Variants in MICU2 observed in about 807,000 individuals in gnomAD.
The protein encoded by MICU2 is mitochondrial calcium uptake 2, also known as calcium uptake protein 2, mitochondrial.
A neutral mutation model predicts 60.4 loss-of-function variants in MICU2; 64 were observed. The ratio of observed to expected loss-of-function variants is 1.06; its 90% CI spans 0.87 to 1.31. The LOEUF (loss-of-function observed/expected upper bound fraction) is 1.31. Ranked by LOEUF, MICU2 falls within the 50% of genes most tolerant of loss-of-function variation. MICU2 has a pLI of 0.00. For missense variants in MICU2, 569 were observed against 531.0 expected (o/e 1.07, Z -0.70); for synonymous variants, 201 against 175.0 (o/e 1.15, Z -1.17).
chr13:21,500,393 G>T (rs1886116537), intron 9 of MICU2, among the ~76,000 whole-genome samples: 1 of 148,050 alleles, frequency 6.8e-6, no homozygotes, highest in African/African-American at 2.5e-5. Flanking sequence ...ATCTCAGACC[G>T]TTTAAAGTTC....
intron 4 of MICU2, among the ~76,000 whole-genome samples, chr13:21,534,661 G>A (rs184829405): frequency 2.6e-5 from 4 of 152,270 alleles, no homozygotes; most frequent in African/African-American, 9.6e-5. Flanking sequence ...AAATAGATCA[G>A]GATAATTTGT....
intron 2 of MICU2, among the ~76,000 whole-genome samples, chr13:21,550,636 A>T (rs991559250): frequency 5.3e-5 from 8 of 152,218 alleles, no homozygotes; most frequent in Non-Finnish European, 2.9e-5. Flanking sequence ...AGATATAGAA[A>T]ATATTTAAAA....
intron 6 of MICU2, among the ~76,000 whole-genome samples, chr13:21,517,574 G>C (rs971083649): frequency 2.0e-5 from 3 of 152,102 alleles, no homozygotes; most frequent in African/African-American, 4.8e-5. Context: ...TCAGGAGCTC[G>C]AGACCAGCCT....
At chr13:21,507,577 G>A (rs1339599907) in intron 8 of MICU2, among the ~76,000 whole-genome samples, 1 of 151,724 alleles carries the variant, frequency 6.6e-6, no homozygotes, top group Non-Finnish European at 1.5e-5. Flanking sequence ...GATTAGTGGG[G>A]TTAGAAAAAA....
intron 1 of MICU2, among the ~76,000 whole-genome samples, chr13:21,594,436 T>C (rs1360553665): frequency 6.6e-6 from 1 of 151,992 alleles, no homozygotes; most frequent in South Asian, 2.1e-4. Context: ...TTGGTGGGAG[T>C]GTAAATTAGT....
chr13:21,507,608 T>A (rs1031987056), intron 8 of MICU2, among the ~76,000 whole-genome samples: 21 of 148,024 alleles, frequency 1.4e-4, no homozygotes, highest in Non-Finnish European at 1.3e-4. Context: ...AAACTTAGAT[T>A]TTTTTTTTTT....
chr13:21,519,368 A>G (rs1012468153), intron 6 of MICU2, among the ~76,000 whole-genome samples: 1 of 151,936 alleles, frequency 6.6e-6, no homozygotes, highest in African/African-American at 2.4e-5. Flanking sequence ...TCGAGAGTTC[A>G]CTGCTTTTAA....
intron 2 of MICU2, among the ~76,000 whole-genome samples, chr13:21,561,803 T>C (rs1787833475): frequency 6.7e-6 from 1 of 148,830 alleles, no homozygotes; most frequent in Non-Finnish European, 1.5e-5. Flanking sequence ...GCTGGTGTGC[T>C]GCACCCATTA....
intron 4 of MICU2, among the ~76,000 whole-genome samples, chr13:21,536,073 G>T (rs1887123125): frequency 6.6e-6 from 1 of 152,142 alleles, no homozygotes; most frequent in Admixed American, 6.5e-5. Flanking sequence ...AGTCTATAGG[G>T]ATGTTCTGGT....
At chr13:21,506,863 A>T (rs1476939343) in intron 8 of MICU2, among the ~76,000 whole-genome samples, 1 of 152,220 alleles carries the variant, frequency 6.6e-6, no homozygotes, top group Admixed American at 6.5e-5. Context: ...TCAGTTAAAC[A>T]TGTTATAACA....
At chr13:21,498,897 A>T (rs2759374) in intron 9 of MICU2, among the ~76,000 whole-genome samples, 1 of 152,092 alleles carries the variant, frequency 6.6e-6, no homozygotes, top group African/African-American at 2.4e-5. Context: ...TAGGCACTGG[A>T]TGCAACTTTT....
At chr13:21,567,132 T>G (rs1286977435) in intron 1 of MICU2, among the ~76,000 whole-genome samples, 188 bp from the exon 2 acceptor site, 1 of 152,142 alleles carries the variant, frequency 6.6e-6, no homozygotes. Flanking sequence ...TAAGACTAAC[T>G]TGAGGGAAGT....
intron 2 of MICU2, among the ~76,000 whole-genome samples, chr13:21,549,135 TAGCC>T (rs1433992056): frequency 2.6e-5 from 4 of 151,916 alleles, no homozygotes; most frequent in Non-Finnish European, 4.4e-5. Context: ...TTCACCGTGT[TAGCC>T]AGGATGGTCT....
At chr13:21,596,416 C>A (rs1243242083) in intron 1 of MICU2, among the ~76,000 whole-genome samples, 1 of 148,920 alleles carries the variant, frequency 6.7e-6, no homozygotes, top group East Asian at 1.9e-4. Context: ...CCTAAGTCAG[C>A]CACATTCAGG....
chr13:21,538,267 T>C (rs1429050666), intron 4 of MICU2, among the ~76,000 whole-genome samples: 1 of 151,382 alleles, frequency 6.6e-6, no homozygotes, highest in Admixed American at 6.6e-5. Context: ...CAACCGTGTA[T>C]CAAAAATATT....
intron 4 of MICU2, among the ~76,000 whole-genome samples, chr13:21,525,812 AAT>A (rs1158225179): frequency 6.6e-6 from 1 of 151,796 alleles, no homozygotes; most frequent in Non-Finnish European, 1.5e-5. Flanking sequence ...TATATATATG[AAT>A]ATATACGATT....
intron 1 of MICU2, among the ~76,000 whole-genome samples, chr13:21,568,652 G>A (rs1296827571): frequency 2.0e-5 from 3 of 152,122 alleles, no homozygotes; most frequent in South Asian, 2.1e-4. Flanking sequence ...TCAGCTACTC[G>A]TTTATCCCTG....
rs1051655491 is a variant in MICU2 at position 21,540,300 on chromosome 13, G to A, written c.359-612C>T. On this transcript the variant is annotated intron_variant, in intron 2 of 11. Coordinates refer to ENST00000382374, the MANE Select transcript of MICU2 (RefSeq NM_152726.3). ...ACCATAATTCTAAAGCTATTACATT[G>A]TTTCTTTTTTTTAGGACTTACTCTG... Among the ~76,000 whole-genome samples the A allele has an allele frequency of 1.8e-5, 2 of 113,714 alleles. 1 individual carries two copies. The allele number at this position is 113,714 out of a possible 152,430, so 74.6% of individuals were successfully genotyped here.
At chr13:21,588,504 T>TC (rs1338011913) in intron 1 of MICU2, among the ~76,000 whole-genome samples, 3 of 152,178 alleles carry the variant, frequency 2.0e-5, no homozygotes, top group Non-Finnish European at 2.9e-5. Context: ...AGCTTCCATC[T>TC]CCCAACACTA....
Sources: allele counts gnomAD v4.1 joint callset (sites outside exome capture counted in the v4.1 genomes callset), GRCh38; gene constraint gnomAD v4.1.1; transcripts MANE v1.5; gene names NCBI Gene and HGNC (gene_info 2026-07-23, HGNC 2026-07-21).